LIN7A: variants seen among roughly 807,000 people sequenced by gnomAD.
LIN7A encodes protein lin-7 homolog A.
LIN7A carries 25 observed loss-of-function variants against 29.8 expected under a neutral mutation model. That is an observed-to-expected ratio of 0.84 (90% CI 0.61 to 1.17). The LOEUF is 1.17. Ranked by LOEUF, LIN7A falls within the 50% of genes most tolerant of loss-of-function variation. The pLI is 0.00. For missense variants in LIN7A, 239 were observed against 287.0 expected, an observed-to-expected ratio of 0.83 and a Z score of 1.21; for synonymous variants, 118 against 107.5, an observed-to-expected ratio of 1.10 and a Z score of -0.60.
chr12:80,803,934 A>C (rs548873129), intron 5 of LIN7A, among the ~76,000 whole-genome samples: 1 of 152,190 alleles, frequency 6.6e-6, no homozygotes, highest in East Asian at 1.9e-4. Context: ...TAAGGGTGGC[A>C]ATATGAATAA....
intron 4 of LIN7A, among the ~76,000 whole-genome samples, chr12:80,833,607 T>C (rs1403823048): frequency 6.6e-6 from 1 of 152,206 alleles, no homozygotes; most frequent in East Asian, 1.9e-4. Flanking sequence ...TCCGGGCTCC[T>C]TGTGATGGCT....
At chr12:80,809,122 G>A (rs10459213) in intron 5 of LIN7A, among the ~76,000 whole-genome samples, 129,886 of 151,932 alleles carry the variant, frequency 0.85, 55,880 homozygotes, top group African/African-American at 0.94. Context: ...AGTAGCTGGG[G>A]CTACAGGAGC....
chr12:80,919,319 C>T (rs35137985), intron 1 of LIN7A, among the ~76,000 whole-genome samples: 5,112 of 152,270 alleles, frequency 0.034, 278 homozygotes, highest in East Asian at 0.15. Context: ...GGGTGTAAAA[C>T]CCCTCTAAGA....
At chr12:80,866,579 T>C (rs749905711) in intron 2 of LIN7A, among the ~76,000 whole-genome samples, 6 of 152,134 alleles carry the variant, frequency 3.9e-5, no homozygotes, top group Non-Finnish European at 7.4e-5. Context: ...ACCTGGGGAT[T>C]CTTAAAACAT....
At chr12:80,891,718 C>T (rs982821704) in intron 1 of LIN7A, among the ~76,000 whole-genome samples, 1 of 152,134 alleles carries the variant, frequency 6.6e-6, no homozygotes, top group Non-Finnish European at 1.5e-5. Flanking sequence ...CATTTATCAT[C>T]ATCAAAGAAG....
intron 2 of LIN7A, among the ~76,000 whole-genome samples, chr12:80,883,591 C>T (rs1421028678): frequency 6.6e-6 from 1 of 152,122 alleles, no homozygotes; most frequent in Non-Finnish European, 1.5e-5. Context: ...CTTAGGGATA[C>T]TGTGGGATCC....
Position 80,796,023 on chromosome 12 carries a change from G to C in LIN7A, c.*1704C>G, listed in dbSNP as rs1250262854. Reference sequence around the variant, plus strand: ...TTCTTGCTGTTTTTCCTCTGGTGAGGGATGCATTGTGAAGAGCAGGGAAAA... The same window carrying C: ...TTCTTGCTGTTTTTCCTCTGGTGAGCGATGCATTGTGAAGAGCAGGGAAAA... On this transcript the variant is annotated 3_prime_UTR_variant, in exon 6 of 6. Transcript: ENST00000552864. 2 of 152,078 alleles carry C rather than the reference G, an allele frequency of 1.3e-5. No individual in the cohort carries two copies. The highest frequency in any genetic ancestry group is 6.6e-5 in the Admixed American group (1 of 15,248). The allele number at this position is 152,078 out of a possible 1,614,324, so 9.4% of individuals were successfully genotyped here.
chr12:80,887,869 T>C (rs1875412510), intron 2 of LIN7A, among the ~76,000 whole-genome samples: 1 of 151,990 alleles, frequency 6.6e-6, no homozygotes, highest in African/African-American at 2.4e-5. Flanking sequence ...ATAGAAGAGA[T>C]GGTAGAATCT....
At chr12:80,810,184 C>T (rs1268894138) in intron 5 of LIN7A, among the ~76,000 whole-genome samples, 2 of 152,152 alleles carry the variant, frequency 1.3e-5, no homozygotes, top group Non-Finnish European at 2.9e-5. Context: ...CTACCCTCCT[C>T]CCCCAGCCTC....
chr12:80,906,665 C>T (rs1876490387), intron 1 of LIN7A, among the ~76,000 whole-genome samples: 1 of 151,938 alleles, frequency 6.6e-6, no homozygotes, highest in Admixed American at 6.6e-5. Flanking sequence ...CCATGGCCTT[C>T]CTGAGGGTGC....
intron 2 of LIN7A, among the ~76,000 whole-genome samples, chr12:80,863,024 T>A (rs560586255): frequency 6.6e-6 from 1 of 152,358 alleles, no homozygotes; most frequent in East Asian, 1.9e-4. Context: ...TTATGGTAAA[T>A]GCACCACGCT....
intron 2 of LIN7A, among the ~76,000 whole-genome samples, chr12:80,851,003 G>A (rs559801151): frequency 6.6e-6 from 1 of 152,108 alleles, no homozygotes; most frequent in Admixed American, 6.6e-5. Flanking sequence ...TGACCACACA[G>A]CTAATTTGTT....
At chr12:80,840,731 G>C (rs1872769806) in intron 4 of LIN7A, among the ~76,000 whole-genome samples, 2 of 152,134 alleles carry the variant, frequency 1.3e-5, no homozygotes, top group South Asian at 4.1e-4. Flanking sequence ...GTGTGTGTTG[G>C]TCAGGGGAGG....
chr12:80,905,051 G>A (rs988523238), intron 1 of LIN7A, among the ~76,000 whole-genome samples: 1 of 152,056 alleles, frequency 6.6e-6, no homozygotes, highest in Non-Finnish European at 1.5e-5. Context: ...GTCTGTGTGT[G>A]TGTGTGTCTT....
At chr12:80,937,395 AC>A in intron 1 of LIN7A, 2 of 380,738 alleles carry the variant, frequency 5.3e-6, no homozygotes, top group Non-Finnish European at 9.3e-6. Context: ...GGCAGCGGGG[AC>A]CCCAGAGCCA....
At chr12:80,844,549 G>A (rs1374210980) in intron 4 of LIN7A, among the ~76,000 whole-genome samples, 1 of 152,112 alleles carries the variant, frequency 6.6e-6, no homozygotes, top group African/African-American at 2.4e-5. Flanking sequence ...ACAAATAACT[G>A]AAATCGAGTT....
chr12:80,936,541 C>A (rs1057107414), intron 1 of LIN7A: 2 of 152,172 alleles, frequency 1.3e-5, no homozygotes, highest in East Asian at 3.9e-4. Flanking sequence ...TCCAAATGGC[C>A]GCCCAGGGTC....
At chr12:80,825,440 T>G (rs779814778) in intron 4 of LIN7A, among the ~76,000 whole-genome samples, 3 of 152,212 alleles carry the variant, frequency 2.0e-5, no homozygotes, top group Admixed American at 6.5e-5. Flanking sequence ...AAAATGTTTA[T>G]GAAGCAGTGT....
intron 4 of LIN7A, among the ~76,000 whole-genome samples, chr12:80,815,836 C>T (rs1299615515): frequency 2.0e-5 from 3 of 151,982 alleles, no homozygotes; most frequent in South Asian, 2.1e-4. Flanking sequence ...TTGCAATGGA[C>T]GTCTGGTAAA....
Sources: gnomAD v4.1 joint callset for allele counts (sites outside exome capture counted in the v4.1 genomes callset) on GRCh38, gnomAD v4.1.1 for gene constraint, MANE v1.5 for transcripts, NCBI Gene and HGNC (gene_info 2026-07-23, HGNC 2026-07-21) for gene names.